Variants in USP10 observed in about 807,000 individuals in gnomAD.
USP10 encodes the protein ubiquitin carboxyl-terminal hydrolase 10.
A neutral mutation model predicts 84.5 loss-of-function variants in USP10; 22 were observed. That is an observed-to-expected ratio of 0.26 (90% CI 0.19 to 0.37). USP10 has a LOEUF of 0.37. Among genes scored for constraint, USP10 ranks in the 10% least tolerant of loss-of-function variants. The pLI is 1.00. For missense variants in USP10, 1,019 were observed against 998.9 expected (o/e 1.02, Z -0.27); for synonymous variants, 454 against 387.6 (o/e 1.17, Z -2.01).
intron 8 of USP10, 88 bp downstream of exon 8, chr16:84,760,363 C>A (rs1246017505): frequency 6.7e-6 from 8 of 1,189,886 alleles, no homozygotes; most frequent in Non-Finnish European, 9.7e-6. Flanking sequence ...GATATTTGCC[C>A]TCTGTCTCCA....
intron 13 of USP10, among the ~76,000 whole-genome samples, 188 bp from the exon 14 acceptor site, chr16:84,778,703 GTTTT>G (rs1412554354): frequency 6.6e-6 from 1 of 152,210 alleles, no homozygotes; most frequent in Non-Finnish European, 1.5e-5. Context: ...TTATAGAAAA[GTTTT>G]TATTATGGAT....
At chr16:84,715,177 G>A (rs773970233) in intron 1 of USP10, among the ~76,000 whole-genome samples, 6 of 152,028 alleles carry the variant, frequency 3.9e-5, no homozygotes, top group African/African-American at 1.4e-4. Context: ...TGATCTGCCC[G>A]CCTAGGCCTC....
intron 11 of USP10, among the ~76,000 whole-genome samples, chr16:84,770,733 C>T (rs1337523184): frequency 6.8e-6 from 1 of 146,566 alleles, no homozygotes; most frequent in East Asian, 2.0e-4. Flanking sequence ...GATAGCGCCA[C>T]TGCAGTCCGG....
intron 1 of USP10, among the ~76,000 whole-genome samples, chr16:84,703,566 AT>A (rs1185939440): frequency 1.3e-5 from 2 of 152,234 alleles, no homozygotes; most frequent in Admixed American, 1.3e-4. Flanking sequence ...AAAGAGATAC[AT>A]TTTTATTAGA....
Position 84,760,086 on chromosome 16 carries a change from G to T in USP10, c.1451-86G>T, listed in dbSNP as rs77446854. 9.3e-4 allele frequency: 1,404 copies of T among 1,507,788 alleles called. 13 individuals are homozygous for T. In the African/African-American group the frequency reaches 0.018, roughly 19 times the overall value. 93.4% of individuals were successfully genotyped at this position (1,507,788 alleles called of 1,614,324 possible). ...ATTCTCAACATTCAGCCAGGTGGGA[G>T]GTGGGGGAGTTTTGATGATGTTGCT... is the stretch of plus-strand genomic sequence containing the variant. On this transcript the variant is annotated intron_variant, in intron 7 of 13. Coordinates refer to ENST00000219473, the MANE Select transcript of USP10 (RefSeq NM_005153.3).
intron 1 of USP10, 55 bp downstream of exon 1, chr16:84,700,166 ACGCCGCGGCGGG>A: frequency 8.4e-7 from 1 of 1,197,594 alleles, no homozygotes; most frequent in Non-Finnish European, 1.0e-6. Flanking sequence ...GGGCGGGCGG[ACGCCGCGGCGGG>A]CGGGCGTCCG....
In USP10 at chr16:84,772,576, C is replaced by T. The variant is rs1328430862; in HGVS notation, c.2034C>T (p.Leu678=). 2.5e-6 allele frequency: 4 copies of T among 1,613,940 alleles called. No individual in the cohort carries two copies. The highest frequency in any genetic ancestry group is 3.4e-6 in the Non-Finnish European group (4 of 1,179,862). ...EISRRVTLEK[L]PPVLVLHLKR... is the part of the protein sequence containing the mutation. Reference sequence around the variant, plus strand: ...GTCGAAGAGTGACTCTGGAAAAACTCCCTCCTGTCCTCGTGCTGCACCTGA... The same window carrying T: ...GTCGAAGAGTGACTCTGGAAAAACTTCCTCCTGTCCTCGTGCTGCACCTGA... The change falls in exon 12 of 14, where the codon CTC becomes CTT. Residue 678 remains leucine (L), a synonymous_variant. Coordinates refer to ENST00000219473, the MANE Select transcript of USP10 (RefSeq NM_005153.3).
chr16:84,756,288 G>T (rs1270952353), intron 4 of USP10, among the ~76,000 whole-genome samples: 1 of 152,212 alleles, frequency 6.6e-6, no homozygotes, highest in African/African-American at 2.4e-5. Flanking sequence ...GCGAAAGGCA[G>T]CATGTTATTT....
At chr16:84,740,151 G>C (rs560770085) in intron 2 of USP10, among the ~76,000 whole-genome samples, 158 bp from the exon 3 acceptor site, 1 of 152,316 alleles carries the variant, frequency 6.6e-6, no homozygotes, top group East Asian at 1.9e-4. Context: ...AGATGATTTA[G>C]ATTGCACTGA....
At chr16:84,705,041 G>A (rs577716566) in intron 1 of USP10, among the ~76,000 whole-genome samples, 1 of 152,296 alleles carries the variant, frequency 6.6e-6, no homozygotes, top group Admixed American at 6.5e-5. Context: ...CCTCCCCGTT[G>A]GGCTTGTGTG....
chr16:84,704,864 A>G, intron 1 of USP10: 1 of 1,535,694 alleles, frequency 6.5e-7, no homozygotes, highest in Non-Finnish European at 8.7e-7. Flanking sequence ...AGGGCAGGTA[A>G]GGTGTTGAGA....
chr16:84,761,942 C>T (rs1274257954), intron 8 of USP10, among the ~76,000 whole-genome samples: 1 of 152,254 alleles, frequency 6.6e-6, no homozygotes, highest in Non-Finnish European at 1.5e-5. Flanking sequence ...CATGCACTCA[C>T]GTGAACAGCT....
chr16:84,755,281 C>A (rs1213748692), intron 4 of USP10, among the ~76,000 whole-genome samples: 1 of 151,874 alleles, frequency 6.6e-6, no homozygotes, highest in African/African-American at 2.4e-5. Context: ...GAAGACCTTT[C>A]CTTCCGTATC....
chr16:84,702,323 C>G (rs1028309918), intron 1 of USP10, among the ~76,000 whole-genome samples: 1 of 152,104 alleles, frequency 6.6e-6, no homozygotes, highest in Non-Finnish European at 1.5e-5. Flanking sequence ...TCTCAAAGTG[C>G]TGGGATTATA....
chr16:84,722,181 A>G (rs922078998), intron 1 of USP10, among the ~76,000 whole-genome samples: 3 of 152,152 alleles, frequency 2.0e-5, no homozygotes, highest in African/African-American at 7.2e-5. Flanking sequence ...CTAGAATTAC[A>G]TTGGCCCAGA....
At chr16:84,727,824 A>G (rs1908706343) in intron 1 of USP10, among the ~76,000 whole-genome samples, 1 of 152,250 alleles carries the variant, frequency 6.6e-6, no homozygotes, top group Non-Finnish European at 1.5e-5. Context: ...ATTCTCTTAA[A>G]TAACCACAGT....
chr16:84,704,772 A>G, intron 1 of USP10: 1 of 1,535,234 alleles, frequency 6.5e-7, no homozygotes, highest in Non-Finnish European at 8.7e-7. Flanking sequence ...TCATCAGATG[A>G]CTTGAGAACC....
rs1183539862 is a variant in USP10 at position 84,779,200 on chromosome 16, T to C, written c.*118T>C. On this transcript the variant is annotated 3_prime_UTR_variant, in exon 14 of 14. Transcript: ENST00000219473. ...GAAACTCTTTCTCCCTTTGCAAAAA[T>C]GGGCTAGAATGAAAAGGAGATGCCT... The C allele has an allele frequency of 4.8e-6, 6 of 1,248,988 alleles. No individual in the cohort carries two copies. In the East Asian group the frequency reaches 7.7e-5, roughly 16 times the overall value. 77.4% of individuals were successfully genotyped at this position (1,248,988 alleles called of 1,614,324 possible).
chr16:84,759,311 A>G (rs1912930304), intron 5 of USP10, 52 bp from the exon 6 acceptor site: 7 of 1,535,974 alleles, frequency 4.6e-6, no homozygotes. Context: ...GCCTTCAGGA[A>G]ATGTGGTGTG....
Sources: gnomAD v4.1 joint callset for allele counts (sites outside exome capture counted in the v4.1 genomes callset) on GRCh38, gnomAD v4.1.1 for gene constraint, MANE v1.5 for transcripts, NCBI Gene and HGNC (gene_info 2026-07-23, HGNC 2026-07-21) for gene names.